Variants in GRM8 observed in about 807,000 individuals in gnomAD.
The protein encoded by GRM8 is glutamate metabotropic receptor 8.
In GRM8, 47 loss-of-function variants were observed where a neutral mutation model predicts 87.2. That is an observed-to-expected ratio of 0.54 (90% CI 0.43 to 0.69). GRM8 has a LOEUF of 0.69. Among genes scored for constraint, GRM8 ranks in the 30% least tolerant of loss-of-function variants. GRM8 has a pLI of 0.00. For synonymous variants in GRM8, 396 were observed against 404.5 expected, an observed-to-expected ratio of 0.98 and a Z score of 0.25; for missense variants, 1,019 against 1,139.2, an observed-to-expected ratio of 0.89 and a Z score of 1.52.
chr7:127,057,862 T>C (rs1820160380), intron 3 of GRM8, among the ~76,000 whole-genome samples: 1 of 150,780 alleles, frequency 6.6e-6, no homozygotes, highest in Non-Finnish European at 1.5e-5. Context: ...GTCTATTAAA[T>C]GAAATTATAT....
chr7:126,723,976 G>T (rs898604988), intron 7 of GRM8, among the ~76,000 whole-genome samples: 1 of 152,080 alleles, frequency 6.6e-6, no homozygotes, highest in Non-Finnish European at 1.5e-5. Context: ...GTTTACATTT[G>T]TTAGTTTCCC....
In GRM8 at chr7:126,779,234, AT is replaced by A; in HGVS notation, c.1157-9170del. 1.3e-5 allele frequency among the ~76,000 whole-genome samples: 2 copies of A among 152,162 alleles called. 1 individual carries two copies. Among genetic ancestry groups the A allele is most frequent in the South Asian group, 4.1e-4 (2 of 4,822 alleles). On this transcript the variant is annotated intron_variant, in intron 6 of 10. Coordinates refer to ENST00000339582, the MANE Select transcript of GRM8 (RefSeq NM_000845.3). ...GGATCATAAGTTTTTCATTTTCCAA[AT>A]TGTGAACCAATTCTCCCAGTGTTAT...
At chr7:127,182,180 C>G (rs1459058423) in intron 2 of GRM8, among the ~76,000 whole-genome samples, 1 of 151,924 alleles carries the variant, frequency 6.6e-6, no homozygotes, top group African/African-American at 2.4e-5. Context: ...AAAAAGTGGG[C>G]TAAGGACATA....
chr7:126,990,877 CT>C (rs1251503634), intron 3 of GRM8, among the ~76,000 whole-genome samples: 1 of 152,032 alleles, frequency 6.6e-6, no homozygotes, highest in East Asian at 1.9e-4. Flanking sequence ...ATAAATGTTG[CT>C]TTTTTCTCCA....
intron 6 of GRM8, among the ~76,000 whole-genome samples, chr7:126,853,043 T>C (rs1326349581): frequency 6.6e-6 from 1 of 152,204 alleles, no homozygotes; most frequent in Non-Finnish European, 1.5e-5. Context: ...AATTTTGTGA[T>C]GGATGGAATG....
chr7:127,053,076 C>T (rs1314330655), intron 3 of GRM8, among the ~76,000 whole-genome samples: 1 of 152,162 alleles, frequency 6.6e-6, no homozygotes, highest in African/African-American at 2.4e-5. Flanking sequence ...GCATCTTCTA[C>T]CTTGTGATTT....
chr7:126,727,168 C>T (rs1451169658), intron 7 of GRM8, among the ~76,000 whole-genome samples: 1 of 151,600 alleles, frequency 6.6e-6, no homozygotes, highest in African/African-American at 2.4e-5. Context: ...AGAATATTTA[C>T]ATACAATATT....
At chr7:126,617,990 A>C (rs1016142244) in intron 7 of GRM8, among the ~76,000 whole-genome samples, 2 of 152,226 alleles carry the variant, frequency 1.3e-5, no homozygotes, top group African/African-American at 4.8e-5. Context: ...CCATCAAGCT[A>C]CCAATGACTT....
intron 3 of GRM8, among the ~76,000 whole-genome samples, chr7:126,946,631 C>T (rs1485659492): frequency 2.0e-5 from 3 of 152,176 alleles, no homozygotes; most frequent in Non-Finnish European, 4.4e-5. Flanking sequence ...TCTATACCAA[C>T]CTGTAGATAC....
At chr7:127,040,466 A>G (rs1224804169) in intron 3 of GRM8, among the ~76,000 whole-genome samples, 2 of 152,210 alleles carry the variant, frequency 1.3e-5, no homozygotes, top group East Asian at 3.9e-4. Context: ...GTGAAACTAC[A>G]GAATCATCTC....
At chr7:126,584,440 G>T (rs1003149674) in intron 8 of GRM8, among the ~76,000 whole-genome samples, 3 of 152,114 alleles carry the variant, frequency 2.0e-5, no homozygotes, top group African/African-American at 7.2e-5. Context: ...GTGCATGTCT[G>T]ACACTAACCT....
intron 3 of GRM8, among the ~76,000 whole-genome samples, chr7:127,014,926 GGA>G (rs772874613): frequency 4.4e-5 from 6 of 135,794 alleles, no homozygotes; most frequent in Non-Finnish European, 6.2e-5. Flanking sequence ...GGAAAGAGAA[GGA>G]GAGAGAGAGA....
At chr7:126,839,912 A>G (rs1796121556) in intron 6 of GRM8, among the ~76,000 whole-genome samples, 1 of 152,194 alleles carries the variant, frequency 6.6e-6, no homozygotes, top group South Asian at 2.1e-4. Flanking sequence ...CTGAATGTAC[A>G]TACTTATTCT....
At chr7:127,232,898 C>T (rs1323087884) in intron 2 of GRM8, among the ~76,000 whole-genome samples, 6 of 152,172 alleles carry the variant, frequency 3.9e-5, no homozygotes, top group East Asian at 1.9e-4. Context: ...AGTGCAGTGG[C>T]GCGATCTTGG....
At chr7:126,618,061 A>G (rs1263499762) in intron 7 of GRM8, among the ~76,000 whole-genome samples, 1 of 152,218 alleles carries the variant, frequency 6.6e-6, no homozygotes, top group African/African-American at 2.4e-5. Context: ...TAGAGCCCTC[A>G]TTGCCAAGAC....
intron 6 of GRM8, among the ~76,000 whole-genome samples, chr7:126,893,147 T>C (rs1345564742): frequency 1.3e-5 from 2 of 152,080 alleles, no homozygotes; most frequent in East Asian, 3.9e-4. Flanking sequence ...TCAAATAGTA[T>C]AAATGTAATT....
intron 7 of GRM8, among the ~76,000 whole-genome samples, chr7:126,768,617 T>G (rs1415069141): frequency 3.9e-5 from 6 of 151,978 alleles, no homozygotes; most frequent in African/African-American, 1.2e-4. Context: ...GACTTCCCTG[T>G]CTTCTGGAGG....
At chr7:126,949,362 T>C (rs1177559835) in intron 3 of GRM8, among the ~76,000 whole-genome samples, 1 of 152,192 alleles carries the variant, frequency 6.6e-6, no homozygotes, top group African/African-American at 2.4e-5. Flanking sequence ...TAGATTCTTA[T>C]GAAGCATATT....
rs142044532 is a variant in GRM8 at position 127,142,824 on chromosome 7, T to A, written c.511-36112A>T. The stretch of plus-strand genomic sequence containing the variant: ...GTACTTCTCTAGACACTTGGATACA[T>A]TAGCGACAACAGATAAAAATCCCTG... On this transcript the variant is annotated intron_variant, in intron 2 of 10. Transcript: ENST00000339582. Among the ~76,000 whole-genome samples the A allele has an allele frequency of 3.5e-3, 531 of 152,274 alleles. 4 individuals are homozygous for A. Among genetic ancestry groups the A allele is most frequent in the African/African-American group, 0.012 (508 of 41,558 alleles).
Sources: gnomAD v4.1 joint callset for allele counts (sites outside exome capture counted in the v4.1 genomes callset) on GRCh38, gnomAD v4.1.1 for gene constraint, MANE v1.5 for transcripts, NCBI Gene and HGNC (gene_info 2026-07-23, HGNC 2026-07-21) for gene names.